The following TP53BP2 variants were observed in gnomAD, a reference collection of about 807,000 sequenced individuals.
TP53BP2 encodes tumor protein p53 binding protein 2, also known as apoptosis-stimulating of p53 protein 2.
Under a neutral mutation model 126.2 loss-of-function variants are expected in TP53BP2, and 62 were observed. The observed-to-expected ratio is 0.49, with a 90% CI of 0.40 to 0.61. TP53BP2 has a LOEUF of 0.61. Ranked by LOEUF, TP53BP2 falls within the 20% of genes least tolerant of loss-of-function variation. The pLI is 0.00. For synonymous variants in TP53BP2, 485 were observed against 502.9 expected (o/e 0.96, Z 0.48); for missense variants, 1,215 against 1,402.8 (o/e 0.87, Z 2.14).
intron 16 of TP53BP2, among the ~76,000 whole-genome samples, chr1:223,785,908 T>C (rs1335723438): frequency 6.6e-6 from 1 of 151,770 alleles, no homozygotes; most frequent in East Asian, 1.9e-4. Context: ...TAGATGTGTA[T>C]CACTGTGACC....
At chr1:223,824,902 T>A (rs559090665) in intron 1 of TP53BP2, among the ~76,000 whole-genome samples, 1 of 152,048 alleles carries the variant, frequency 6.6e-6, no homozygotes, top group South Asian at 2.1e-4. Context: ...TGTTCCTCTA[T>A]TTGGAATGCG....
chr1:223,796,836 T>C lies in TP53BP2; in HGVS notation c.1949-246A>G, dbSNP rs1290430707. Reference sequence around the variant, plus strand: ...ACATGCACCATATCTCATGAAACAATAAGAAAATGTTGCCGTTTTAAGAAA... The same window carrying C: ...ACATGCACCATATCTCATGAAACAACAAGAAAATGTTGCCGTTTTAAGAAA... On this transcript the variant is annotated intron_variant, in intron 12 of 17. Coordinates refer to ENST00000343537, the MANE Select transcript of TP53BP2 (RefSeq NM_001031685.3). The surrounding 1 kb of genome is among the most constrained non-coding windows in gnomAD (Gnocchi z 4.2). 6.6e-6 allele frequency among the ~76,000 whole-genome samples: 1 copy of C among 152,090 alleles called. No homozygotes were observed. The highest frequency in any genetic ancestry group is 2.4e-5 in the African/African-American group (1 of 41,422).
chr1:223,807,409 A>T (rs1662761471), intron 4 of TP53BP2, among the ~76,000 whole-genome samples: 1 of 152,214 alleles, frequency 6.6e-6, no homozygotes. Flanking sequence ...AAGCAAGGAC[A>T]TCCACTCTCA....
chr1:223,814,774 C>CT (rs151183729), intron 2 of TP53BP2, among the ~76,000 whole-genome samples: 54 of 148,978 alleles, frequency 3.6e-4, no homozygotes, highest in African/African-American at 1.1e-3. Flanking sequence ...ATAGCCTAGT[C>CT]TTTTTTTTTT....
intron 5 of TP53BP2, among the ~76,000 whole-genome samples, chr1:223,805,195 AG>A (rs1372974112): frequency 6.6e-6 from 1 of 152,176 alleles, no homozygotes; most frequent in African/African-American, 2.4e-5. Flanking sequence ...CTAAGGCAGA[AG>A]GATCACTTGA....
intron 3 of TP53BP2, among the ~76,000 whole-genome samples, chr1:223,811,544 C>G (rs546288505): frequency 3.3e-4 from 50 of 152,282 alleles, no homozygotes; most frequent in African/African-American, 1.2e-3. Flanking sequence ...AAAAAAACTT[C>G]TATAATTTCA....
intron 2 of TP53BP2, among the ~76,000 whole-genome samples, chr1:223,815,714 A>G (rs887751477): frequency 3.9e-5 from 6 of 152,242 alleles, no homozygotes; most frequent in Non-Finnish European, 7.3e-5. Context: ...CTCATGTGCC[A>G]GCCACACCTA....
chr1:223,836,878 C>T (rs571599118), intron 1 of TP53BP2, among the ~76,000 whole-genome samples: 25 of 152,018 alleles, frequency 1.6e-4, no homozygotes, highest in African/African-American at 6.0e-4. Flanking sequence ...AAGCAACAAG[C>T]AAAACCTACC....
chr1:223,832,601 A>G (rs576759600), intron 1 of TP53BP2, among the ~76,000 whole-genome samples: 55 of 152,318 alleles, frequency 3.6e-4, no homozygotes, highest in African/African-American at 1.3e-3. Flanking sequence ...TTAAGATATA[A>G]CCAAAGTTTC....
At chr1:223,783,818 G>C (rs925099061) in intron 17 of TP53BP2, among the ~76,000 whole-genome samples, 5 of 152,174 alleles carry the variant, frequency 3.3e-5, no homozygotes, top group African/African-American at 4.8e-5. Context: ...GATTTAGACA[G>C]ATTAAAAATT....
intron 1 of TP53BP2, among the ~76,000 whole-genome samples, chr1:223,833,326 T>C (rs1445196494): frequency 6.6e-6 from 1 of 152,228 alleles, no homozygotes; most frequent in Non-Finnish European, 1.5e-5. Flanking sequence ...AAAGGATTTT[T>C]TTTACTTCAT....
intron 1 of TP53BP2, among the ~76,000 whole-genome samples, chr1:223,843,375 T>G (rs1161459476): frequency 1.3e-5 from 2 of 152,172 alleles, no homozygotes; most frequent in East Asian, 3.9e-4. Context: ...TTCACCATGT[T>G]GGCCAGGAGG....
Position 223,796,706 on chromosome 1 carries a change from A to G in TP53BP2, c.1949-116T>C. 1 of 883,446 alleles carries G rather than the reference A, an allele frequency of 1.1e-6. No individual in the cohort carries two copies. Among genetic ancestry groups the G allele is most frequent in the East Asian group, 2.6e-5 (1 of 38,824 alleles). 54.7% of individuals were successfully genotyped at this position (883,446 alleles called of 1,614,324 possible). On this transcript the variant is annotated intron_variant, in intron 12 of 17. Coordinates refer to ENST00000343537, the MANE Select transcript of TP53BP2 (RefSeq NM_001031685.3). This position sits in a 1 kb window ranked among gnomAD's most constrained non-coding sequence, Gnocchi z 4.2. ...CTTTTAATTTCATAGTTGTTACTAC[A>G]TAATCCCCTTCAAATATAATTAATT...
At chr1:223,800,572 G>A in intron 10 of TP53BP2, 128 bp downstream of exon 10, 1 of 642,990 alleles carries the variant, frequency 1.6e-6, no homozygotes, top group Non-Finnish European at 2.6e-6. Context: ...TGACAAGAGT[G>A]AGATCCTGTC....
In TP53BP2 at chr1:223,806,546, G is replaced by A. The variant is rs537691725; in HGVS notation, c.474+300C>T. ...CTTTTAAAAGAAGATACTACCAGCC[G>A]GGCACGGGGGTTCACGCCTGTAATC... On this transcript the variant is annotated intron_variant, in intron 5 of 17. Coordinates refer to ENST00000343537, the MANE Select transcript of TP53BP2 (RefSeq NM_001031685.3). 3.1e-3 allele frequency among the ~76,000 whole-genome samples: 467 copies of A among 152,206 alleles called. 2 individuals carry two copies. The highest frequency in any genetic ancestry group is 5.6e-3 in the Non-Finnish European group (379 of 68,014).
At chr1:223,795,446 G>C (rs73127419) in intron 13 of TP53BP2, among the ~76,000 whole-genome samples, 4,708 of 152,236 alleles carry the variant, frequency 0.031, 242 homozygotes, top group African/African-American at 0.11. Context: ...AATGAGAGAA[G>C]TTATACCATC....
At chr1:223,790,500 T>G (rs2102837175) in intron 15 of TP53BP2, among the ~76,000 whole-genome samples, 1 of 151,876 alleles carries the variant, frequency 6.6e-6, no homozygotes, top group South Asian at 2.1e-4. Context: ...GAAGTTACAG[T>G]GAGCCAAGAT....
At chr1:223,813,930 G>T (rs1411874856) in intron 3 of TP53BP2, among the ~76,000 whole-genome samples, 1 of 152,040 alleles carries the variant, frequency 6.6e-6, no homozygotes, top group East Asian at 1.9e-4. Flanking sequence ...CTGTTATTAT[G>T]GAAGAGGGAT....
intron 1 of TP53BP2, chr1:223,834,897 C>T: frequency 1.0e-6 from 1 of 982,520 alleles, no homozygotes; most frequent in Non-Finnish European, 1.2e-6. Flanking sequence ...TTGTCTGTAT[C>T]CCTGTCTTAT....
Sources: allele counts gnomAD v4.1 joint callset (sites outside exome capture counted in the v4.1 genomes callset), GRCh38; gene constraint gnomAD v4.1.1; non-coding constraint Gnocchi (gnomAD v3.1); transcripts MANE v1.5; gene names NCBI Gene and HGNC (gene_info 2026-07-23, HGNC 2026-07-21).